Variants in PTPRK observed in about 807,000 individuals in gnomAD.
PTPRK encodes the protein protein tyrosine phosphatase receptor type K.
A neutral mutation model predicts 178.0 loss-of-function variants in PTPRK; 75 were observed. That is an observed-to-expected ratio of 0.42 (90% confidence interval 0.35 to 0.51). The LOEUF (loss-of-function observed/expected upper bound fraction) is 0.51, where lower values mean the gene tolerates loss of function less well. PTPRK is among the 20% of genes least tolerant of loss of function. The probability of loss-of-function intolerance (pLI) is 0.02; values close to 1 mark genes in which losing one functional copy is unlikely to be tolerated. For missense variants in PTPRK, 1,441 were observed against 1,797.8 expected, an observed-to-expected ratio of 0.80 and a Z score of 3.59; for synonymous variants, 637 against 620.6, an observed-to-expected ratio of 1.03 and a Z score of -0.39.
chr6:128,046,858 T>C (rs1157383687), intron 13 of PTPRK, among the ~76,000 whole-genome samples: 1 of 152,160 alleles, frequency 6.6e-6, no homozygotes, highest in Non-Finnish European at 1.5e-5. Flanking sequence ...TACAACCAAA[T>C]GGAGCTTCCA....
At chr6:128,409,782 C>T (rs996707666) in intron 1 of PTPRK, among the ~76,000 whole-genome samples, 11 of 152,130 alleles carry the variant, frequency 7.2e-5, no homozygotes, top group Non-Finnish European at 1.2e-4. Context: ...TTTTCCTGCA[C>T]AAGCTCTTTT....
chr6:128,089,599 C>T lies in PTPRK; in HGVS notation c.1465+91G>A. Reference sequence around the variant, plus strand: ...ATTTAGATGATTTCAGAATCCAATTCAGTATTGGACAATCTTAGGAAAATC... The same window carrying T: ...ATTTAGATGATTTCAGAATCCAATTTAGTATTGGACAATCTTAGGAAAATC... On this transcript the variant is annotated intron_variant, in intron 8 of 29. Transcript: ENST00000368226. 4.7e-6 allele frequency: 6 copies of T among 1,277,438 alleles called. No homozygotes were observed. The Middle Eastern group carries it at 1.3e-3, about 271-fold the overall frequency. 79.1% of individuals were successfully genotyped at this position (1,277,438 alleles called of 1,614,324 possible).
chr6:128,021,472 TAAAAATACA>T (rs1773493704), intron 13 of PTPRK, among the ~76,000 whole-genome samples: 1 of 151,924 alleles, frequency 6.6e-6, no homozygotes, highest in Admixed American at 6.6e-5. Context: ...CTGTCTCTAC[TAAAAATACA>T]AAAAATTAGC....
At chr6:127,972,347 C>T (rs1440066086) in intron 29 of PTPRK, among the ~76,000 whole-genome samples, 2 of 152,166 alleles carry the variant, frequency 1.3e-5, no homozygotes, top group Non-Finnish European at 2.9e-5. Context: ...TATGTGTAAC[C>T]CACAGATATC....
At position 128,007,964 on chromosome 6, in the gene PTPRK, G is replaced by A. The variant is rs1778620734; in HGVS notation, c.2333+1166C>T. 8.2e-6 allele frequency: 8 copies of A among 970,436 alleles called. No homozygotes were observed. The South Asian group carries it at 1.1e-4, about 13-fold the overall frequency. The allele number at this position is 970,436 out of a possible 1,614,324, so 60.1% of individuals were successfully genotyped here. A position where few individuals can be genotyped will look rare whatever the true frequency, so the allele number is the denominator to read the frequency against. ...ACATATGATGTATTTTCCAACCACA[G>A]AGGGAGACAACAGCAAGAGAAAGCA... On this transcript the variant is annotated intron_variant, in intron 14 of 29. Coordinates refer to ENST00000368226, the MANE Select transcript of PTPRK (RefSeq NM_002844.4).
chr6:128,064,464 C>T lies in PTPRK; in HGVS notation c.2194+294G>A, dbSNP rs942847343. ...TGCTATTTTCATCTGCTATTGCTGA[C>T]GCTTTCCTAAGATATTGGTTGATCA... On this transcript the variant is annotated intron_variant, in intron 13 of 29. Transcript: ENST00000368226. 5.9e-5 allele frequency among the ~76,000 whole-genome samples: 9 copies of T among 152,272 alleles called. No homozygotes were observed. In the East Asian group the frequency reaches 9.6e-4, roughly 16 times the overall value.
At chr6:128,515,751 T>G (rs1469963830) in intron 1 of PTPRK, among the ~76,000 whole-genome samples, 1 of 152,094 alleles carries the variant, frequency 6.6e-6, no homozygotes, top group Non-Finnish European at 1.5e-5. Flanking sequence ...TTAAGAACAA[T>G]CTGTAAACTT....
At chr6:128,148,549 C>G (rs548992483) in intron 7 of PTPRK, among the ~76,000 whole-genome samples, 2 of 152,144 alleles carry the variant, frequency 1.3e-5, no homozygotes, top group East Asian at 3.9e-4. Flanking sequence ...AAATGTTCCT[C>G]TATAATCCCT....
intron 7 of PTPRK, among the ~76,000 whole-genome samples, chr6:128,139,848 T>G (rs1432870306): frequency 6.6e-6 from 1 of 151,388 alleles, no homozygotes; most frequent in Non-Finnish European, 1.5e-5. Flanking sequence ...AATTCTATAC[T>G]TAACAGTGCC....
At chr6:128,503,914 C>T (rs949874331) in intron 1 of PTPRK, among the ~76,000 whole-genome samples, 6 of 149,772 alleles carry the variant, frequency 4.0e-5, no homozygotes, top group African/African-American at 1.5e-4. Flanking sequence ...TTTTGCCTAC[C>T]AGACTAACTT....
rs149849714 is a variant in PTPRK at position 128,260,369 on chromosome 6, T to C, written c.496-17767A>G. 2.7e-3 allele frequency among the ~76,000 whole-genome samples: 409 copies of C among 152,156 alleles called. 3 individuals are homozygous for C. The highest frequency in any genetic ancestry group is 9.2e-3 in the African/African-American group (381 of 41,524). On this transcript the variant is annotated intron_variant, in intron 3 of 29. Transcript: ENST00000368226. Reference sequence around the variant, plus strand: ...ATGTTAAGGAGACCACTGCAGTTGTTGAAGGAAAAGATGACGGCATTAACC... The same window carrying C: ...ATGTTAAGGAGACCACTGCAGTTGTCGAAGGAAAAGATGACGGCATTAACC...
At chr6:128,514,117 T>A (rs2128444888) in intron 1 of PTPRK, among the ~76,000 whole-genome samples, 1 of 152,306 alleles carries the variant, frequency 6.6e-6, no homozygotes, top group Admixed American at 6.5e-5. Flanking sequence ...GGGAAGGGTT[T>A]ATATTAATAG....
At chr6:128,196,901 A>G (rs1049870325) in intron 6 of PTPRK, among the ~76,000 whole-genome samples, 2 of 152,188 alleles carry the variant, frequency 1.3e-5, no homozygotes, top group Non-Finnish European at 2.9e-5. Flanking sequence ...GAAAAGAACC[A>G]TAAGACATAA....
At chr6:127,991,229 T>C in intron 20 of PTPRK, 65 bp downstream of exon 20, 1 of 1,250,844 alleles carries the variant, frequency 8.0e-7, no homozygotes, top group South Asian at 1.5e-5. Flanking sequence ...ATTTTGAGTG[T>C]CTTACATGTT....
At position 128,189,864 on chromosome 6, in the gene PTPRK, C is replaced by T. The variant is rs576435682; in HGVS notation, c.869-5139G>A. On this transcript the variant is annotated intron_variant, in intron 6 of 29. Transcript: ENST00000368226. ...TGCAAGTAAATGGACATGAGGGAGG[C>T]TAAGAGGAAGAAGAAAGACATCATT... 2.0e-5 allele frequency among the ~76,000 whole-genome samples: 3 copies of T among 152,202 alleles called. No homozygotes were observed. The South Asian group carries it at 6.2e-4, about 32-fold the overall frequency.
chr6:128,134,214 C>T (rs186117522), intron 7 of PTPRK, among the ~76,000 whole-genome samples: 51 of 152,132 alleles, frequency 3.4e-4, no homozygotes, highest in Middle Eastern at 3.4e-3. Flanking sequence ...TTAGGACATG[C>T]GCATATTTAA....
At chr6:128,413,305 C>T (rs1045499600) in intron 1 of PTPRK, among the ~76,000 whole-genome samples, 3 of 152,100 alleles carry the variant, frequency 2.0e-5, no homozygotes, top group South Asian at 2.1e-4. Flanking sequence ...AGAACATTCG[C>T]TGGTCCCTTT....
chr6:128,296,470 T>G (rs139955658), intron 3 of PTPRK, among the ~76,000 whole-genome samples: 8,212 of 152,062 alleles, frequency 0.054, 723 homozygotes, highest in African/African-American at 0.18. Flanking sequence ...AGGGCAGCCA[T>G]AGAGAAAGGT....
chr6:128,509,034 T>C (rs1430161389), intron 1 of PTPRK, among the ~76,000 whole-genome samples: 3 of 152,134 alleles, frequency 2.0e-5, no homozygotes, highest in Non-Finnish European at 4.4e-5. Flanking sequence ...CTGAGTGGCG[T>C]GATGAAATCA....
Sources: allele counts gnomAD v4.1 joint callset (sites outside exome capture counted in the v4.1 genomes callset), GRCh38; gene constraint gnomAD v4.1.1; transcripts MANE v1.5; gene names NCBI Gene and HGNC (gene_info 2026-07-23, HGNC 2026-07-21).